LRRC37A3: variants seen among roughly 807,000 people sequenced by gnomAD.
LRRC37A3 encodes the protein leucine-rich repeat-containing protein 37A3.
Under a neutral mutation model 106.2 loss-of-function variants are expected in LRRC37A3, and 25 were observed. The observed-to-expected ratio is 0.24, with a 90% CI of 0.17 to 0.33. The LOEUF is 0.33. LRRC37A3 is among the 10% of genes least tolerant of loss of function. LRRC37A3 has a pLI of 1.00. For missense variants in LRRC37A3, 712 were observed against 1,644.9 expected (o/e 0.43, Z 9.81); for synonymous variants, 305 against 635.8 (o/e 0.48, Z 7.83).
chr17:64,877,208 G>A (rs1343836622), intron 8 of LRRC37A3, among the ~76,000 whole-genome samples: 1 of 152,076 alleles, frequency 6.6e-6, no homozygotes, highest in East Asian at 1.9e-4. Context: ...TAAACGTGCT[G>A]AAACCCCATC....
chr17:64,855,459 G>A (rs1483492984), intron 14 of LRRC37A3, among the ~76,000 whole-genome samples: 1 of 149,998 alleles, frequency 6.7e-6, no homozygotes, highest in Middle Eastern at 3.4e-3. Context: ...CCCACCTCCC[G>A]AAAGGGCTGG....
intron 8 of LRRC37A3, among the ~76,000 whole-genome samples, chr17:64,874,527 C>A (rs1342799334): frequency 6.6e-6 from 1 of 150,484 alleles, no homozygotes; most frequent in Non-Finnish European, 1.5e-5. Flanking sequence ...GTGGGGGGTG[C>A]CTCTGCCCGG....
intron 9 of LRRC37A3, 81 bp from the exon 10 acceptor site, chr17:64,868,617 A>T (rs1385765134): frequency 6.6e-7 from 1 of 1,516,322 alleles, no homozygotes; most frequent in African/African-American, 1.4e-5. Flanking sequence ...TGGCTTCTCT[A>T]TTAAACAAGC....
intron 2 of LRRC37A3, chr17:64,899,892 C>G (rs1168102924): frequency 2.0e-5 from 3 of 150,808 alleles, no homozygotes; most frequent in African/African-American, 7.5e-5. Flanking sequence ...AGGAAAAGCC[C>G]CGGAAATACC....
chr17:64,905,085 A>C (rs1215176674), intron 2 of LRRC37A3, among the ~76,000 whole-genome samples: 1 of 152,066 alleles, frequency 6.6e-6, no homozygotes, highest in African/African-American at 2.4e-5. Flanking sequence ...AAATTTATTA[A>C]TTAATAAATC....
rs758313881 is a variant in LRRC37A3, at chr17:64,859,889, G to A, written c.4257C>T (p.Tyr1419=). 2 of 1,613,364 alleles carry A rather than the reference G, an allele frequency of 1.2e-6. No homozygotes were observed. The highest frequency in any genetic ancestry group is 3.3e-5 in the Admixed American group (2 of 59,976). ...PEGTISENTN[Y]NHPPEADSAG... is the part of the protein sequence containing the mutation. ...CGGAATCTGCCTCAGGAGGATGATT[G>A]TAGTTTGTGTTTTCAGAGATGGTTC... The change falls in exon 12 of 15, where the codon TAC becomes TAT. Residue 1419 remains tyrosine, a synonymous_variant. Coordinates refer to ENST00000584306, the MANE Select transcript of LRRC37A3 (RefSeq NM_199340.5).
intron 12 of LRRC37A3, 151 bp from the exon 13 acceptor site, chr17:64,859,034 C>T: frequency 1.5e-6 from 1 of 660,600 alleles, no homozygotes; most frequent in Non-Finnish European, 2.7e-6. Flanking sequence ...ATTCACTAGA[C>T]TCGACCTCCC....
At chr17:64,883,609 G>A (rs1329002217) in intron 8 of LRRC37A3, among the ~76,000 whole-genome samples, 1 of 147,438 alleles carries the variant, frequency 6.8e-6, no homozygotes, top group Non-Finnish European at 1.5e-5. Flanking sequence ...ATAAACTTGT[G>A]TAATGCAGGG....
In LRRC37A3 at chr17:64,859,645, A is replaced by G. The variant is rs1972801428; in HGVS notation, c.4501T>C (p.Leu1501=). The G allele has an allele frequency of 6.2e-7, 1 of 1,613,500 alleles. No individual in the cohort carries two copies. The highest frequency in any genetic ancestry group is 1.7e-5 in the Admixed American group (1 of 59,886). Residue 1501 remains leucine, a synonymous_variant, in exon 12 of 15, where the codon TTG becomes CTG. Transcript: ENST00000584306. The stretch of plus-strand genomic sequence containing the variant: ...TGGGCCCCAGAGCAGTCCATCTTCA[A>G]GGTCCGGATAACATGAGCAATGAGC... ...RRLIAHVIRT[L]KMDCSGAHVQ... is the part of the protein sequence containing the mutation.
At chr17:64,888,214 TTAGAG>T (rs1358221670) in intron 6 of LRRC37A3, among the ~76,000 whole-genome samples, 2 of 133,730 alleles carry the variant, frequency 1.5e-5, no homozygotes, top group African/African-American at 3.1e-5. Flanking sequence ...TTTTGCAAGT[TTAGAG>T]TATTTTCCCC....
intron 8 of LRRC37A3, among the ~76,000 whole-genome samples, chr17:64,876,340 G>A (rs887044643): frequency 6.6e-6 from 1 of 152,024 alleles, no homozygotes; most frequent in Admixed American, 6.6e-5. Flanking sequence ...GTGCCACCAC[G>A]TTCAGCTAAC....
intron 2 of LRRC37A3, among the ~76,000 whole-genome samples, chr17:64,908,053 AATAAGCTACAAAAGTGGGT>A (rs1169507299): frequency 1.1e-5 from 1 of 92,510 alleles, no homozygotes; most frequent in East Asian, 3.0e-4. Context: ...GAGGGTGTTG[AATAAGCTACAAAAGTGGGT>A]ATAGTATACC....
intron 13 of LRRC37A3, among the ~76,000 whole-genome samples, chr17:64,857,067 C>G (rs1246525228): frequency 6.6e-6 from 1 of 152,126 alleles, no homozygotes; most frequent in East Asian, 1.9e-4. Flanking sequence ...AGAGACAAAA[C>G]TATCATTATT....
intron 11 of LRRC37A3, 78 bp from the exon 12 acceptor site, chr17:64,861,051 G>T: frequency 1.9e-6 from 3 of 1,605,800 alleles, no homozygotes; most frequent in Non-Finnish European, 2.6e-6. Context: ...GTACACTCCA[G>T]TCACACAGAG....
intron 2 of LRRC37A3, chr17:64,909,711 C>T: frequency 6.6e-6 from 1 of 152,328 alleles, no homozygotes; most frequent in Non-Finnish European, 1.5e-5. Flanking sequence ...GGCACGATTA[C>T]AACAGGATTG....
intron 2 of LRRC37A3, chr17:64,901,350 T>C (rs1347586974): frequency 1.3e-5 from 2 of 150,492 alleles, no homozygotes; most frequent in Non-Finnish European, 2.9e-5. Context: ...AAATCCAAAA[T>C]AGAGACCACT....
chr17:64,868,082 A>C (rs538107019), intron 10 of LRRC37A3, among the ~76,000 whole-genome samples: 5 of 152,036 alleles, frequency 3.3e-5, no homozygotes, highest in African/African-American at 1.2e-4. Context: ...TCAAAAACAA[A>C]AAAAAAAATT....
At chr17:64,866,945 C>T (rs1973136624) in intron 10 of LRRC37A3, among the ~76,000 whole-genome samples, 1 of 149,760 alleles carries the variant, frequency 6.7e-6, no homozygotes, top group Non-Finnish European at 1.5e-5. Context: ...ACTGAGACCT[C>T]ATTTCTACAA....
At chr17:64,879,904 T>C (rs1973639473) in intron 8 of LRRC37A3, among the ~76,000 whole-genome samples, 1 of 152,184 alleles carries the variant, frequency 6.6e-6, no homozygotes, top group Admixed American at 6.5e-5. Flanking sequence ...GTTTCTATTT[T>C]TTCTTAAACA....
Sources: allele counts gnomAD v4.1 joint callset (sites outside exome capture counted in the v4.1 genomes callset), GRCh38; gene constraint gnomAD v4.1.1; transcripts MANE v1.5; gene names NCBI Gene and HGNC (gene_info 2026-07-23, HGNC 2026-07-21).